GALNTL6: variants seen among roughly 807,000 people sequenced by gnomAD.
GALNTL6 encodes polypeptide N-acetylgalactosaminyltransferase like 6.
Under a neutral mutation model 73.7 loss-of-function variants are expected in GALNTL6, and 46 were observed. The ratio of observed to expected loss-of-function variants is 0.62; its 90% CI spans 0.49 to 0.80. The LOEUF (loss-of-function observed/expected upper bound fraction) is 0.80, where lower values mean the gene tolerates loss of function less well. GALNTL6 is among the 30% of genes least tolerant of loss of function. The pLI is 0.00. For synonymous variants in GALNTL6, 259 were observed against 263.7 expected, an observed-to-expected ratio of 0.98 and a Z score of 0.17; for missense variants, 604 against 755.0, an observed-to-expected ratio of 0.80 and a Z score of 2.34.
chr4:172,522,833 G>A (rs114344836), intron 5 of GALNTL6, among the ~76,000 whole-genome samples: 1 of 151,950 alleles, frequency 6.6e-6, no homozygotes, highest in Admixed American at 6.6e-5. Context: ...TACATACATA[G>A]AAAAGCATAG....
At chr4:172,634,437 G>GC (rs1739559164) in intron 5 of GALNTL6, among the ~76,000 whole-genome samples, 1 of 152,012 alleles carries the variant, frequency 6.6e-6, no homozygotes, top group African/African-American at 2.4e-5. Flanking sequence ...GGCAATAGTT[G>GC]GCTGGAGCTA....
chr4:172,843,370 C>CT (rs1260416955), intron 7 of GALNTL6, among the ~76,000 whole-genome samples: 1 of 152,174 alleles, frequency 6.6e-6, no homozygotes, highest in African/African-American at 2.4e-5. Flanking sequence ...TCGGTAATGG[C>CT]TGCTGTAAGG....
intron 2 of GALNTL6, among the ~76,000 whole-genome samples, chr4:172,041,971 A>G (rs913460823): frequency 9.9e-5 from 15 of 152,094 alleles, no homozygotes; most frequent in African/African-American, 3.4e-4. Context: ...GTTAAGAAAT[A>G]TAACTATTGT....
intron 2 of GALNTL6, among the ~76,000 whole-genome samples, chr4:172,187,959 T>G (rs143811648): frequency 1.3e-5 from 2 of 152,252 alleles, no homozygotes; most frequent in African/African-American, 4.8e-5. Flanking sequence ...TAGAACATAT[T>G]ATCTGATTCT....
At chr4:171,926,077 A>G (rs999973755) in intron 2 of GALNTL6, among the ~76,000 whole-genome samples, 6 of 152,152 alleles carry the variant, frequency 3.9e-5, no homozygotes, top group African/African-American at 1.4e-4. Context: ...TATACTTCAC[A>G]TCATTCCTTT....
intron 7 of GALNTL6, among the ~76,000 whole-genome samples, chr4:172,846,836 T>C (rs1175953505): frequency 6.6e-6 from 1 of 152,220 alleles, no homozygotes; most frequent in Non-Finnish European, 1.5e-5. Context: ...TCAAATATAA[T>C]TCTGACTACA....
At chr4:172,766,488 G>A (rs1738413106) in intron 5 of GALNTL6, among the ~76,000 whole-genome samples, 1 of 152,052 alleles carries the variant, frequency 6.6e-6, no homozygotes, top group African/African-American at 2.4e-5. Context: ...CTAACATAAT[G>A]AGGGAAGAAG....
chr4:172,345,620 T>C (rs1042222880), intron 4 of GALNTL6, among the ~76,000 whole-genome samples: 3 of 152,122 alleles, frequency 2.0e-5, no homozygotes, highest in Non-Finnish European at 2.9e-5. Context: ...TTGACCAGGG[T>C]ATTGATTTAA....
intron 10 of GALNTL6, among the ~76,000 whole-genome samples, chr4:172,961,428 C>A (rs1022539998): frequency 5.3e-5 from 8 of 152,134 alleles, no homozygotes; most frequent in Admixed American, 3.9e-4. Flanking sequence ...CTTGCCCCCC[C>A]AGAAAAGCGG....
intron 5 of GALNTL6, among the ~76,000 whole-genome samples, chr4:172,545,038 T>C (rs1016908601): frequency 5.9e-5 from 9 of 152,224 alleles, no homozygotes; most frequent in African/African-American, 2.2e-4. Context: ...GCTTGTATGG[T>C]CTACTGTTAA....
At chr4:172,561,258 T>C (rs1481986545) in intron 5 of GALNTL6, among the ~76,000 whole-genome samples, 1 of 20,500 alleles carries the variant, frequency 4.9e-5, no homozygotes, top group Non-Finnish European at 1.2e-4. Context: ...AGACTCCGTC[T>C]CAAAAAAAAA....
At chr4:172,012,671 T>A (rs1741053305) in intron 2 of GALNTL6, among the ~76,000 whole-genome samples, 1 of 152,114 alleles carries the variant, frequency 6.6e-6, no homozygotes, top group East Asian at 1.9e-4. Context: ...TACAGGCCTT[T>A]GTCCTTTTAA....
intron 5 of GALNTL6, among the ~76,000 whole-genome samples, chr4:172,748,039 A>G (rs1463664737): frequency 6.6e-6 from 1 of 152,202 alleles, no homozygotes; most frequent in Non-Finnish European, 1.5e-5. Context: ...TAACAAAACC[A>G]ATTTTACTAT....
intron 2 of GALNTL6, chr4:172,052,521 T>C (rs1167922040): frequency 2.0e-6 from 3 of 1,534,486 alleles, no homozygotes; most frequent in Non-Finnish European, 2.6e-6. Flanking sequence ...GTGCATGAGC[T>C]GGTTTACCAG....
chr4:172,173,570 ATC>A (rs1177836564), intron 2 of GALNTL6, among the ~76,000 whole-genome samples: 1 of 152,202 alleles, frequency 6.6e-6, no homozygotes. Context: ...GTAGCTATGA[ATC>A]TCTCTGAAAT....
At position 172,494,682 on chromosome 4, in the gene GALNTL6, A is replaced by T. The variant is rs79162195; in HGVS notation, c.553+145993A>T. On this transcript the variant is annotated intron_variant, in intron 5 of 12. Transcript: ENST00000506823. ...CAAGAGCTCCTGACAAACCACTGGC[A>T]TAAGTCCAAGAGAGCAAAAGCTGAA... 2.6e-3 allele frequency among the ~76,000 whole-genome samples: 394 copies of T among 152,328 alleles called. 4 individuals are homozygous for T. The highest frequency in any genetic ancestry group is 6.8e-3 in the Middle Eastern group (2 of 294).
At chr4:172,751,569 T>A (rs1248112941) in intron 5 of GALNTL6, among the ~76,000 whole-genome samples, 1 of 152,200 alleles carries the variant, frequency 6.6e-6, no homozygotes, top group Non-Finnish European at 1.5e-5. Flanking sequence ...GCAGTGAAAA[T>A]TTCAGGAAGT....
At chr4:172,820,824 G>A (rs1016016561) in intron 7 of GALNTL6, among the ~76,000 whole-genome samples, 2 of 152,174 alleles carry the variant, frequency 1.3e-5, no homozygotes, top group African/African-American at 2.4e-5. Context: ...ACCAAAAGAT[G>A]TGCTCCTTGA....
chr4:172,194,763 G>C (rs1735698157), intron 2 of GALNTL6, among the ~76,000 whole-genome samples: 1 of 152,112 alleles, frequency 6.6e-6, no homozygotes, highest in South Asian at 2.1e-4. Flanking sequence ...ATTAGTCACT[G>C]CCAGGCCTGC....
Sources: allele counts gnomAD v4.1 joint callset (sites outside exome capture counted in the v4.1 genomes callset), GRCh38; gene constraint gnomAD v4.1.1; transcripts MANE v1.5; gene names NCBI Gene and HGNC (gene_info 2026-07-23, HGNC 2026-07-21).